The following FLT1 variants were observed in gnomAD, a reference collection of about 807,000 sequenced individuals.
FLT1 encodes vascular endothelial growth factor receptor 1.
FLT1 carries 49 observed loss-of-function variants against 156.3 expected under a neutral mutation model. The ratio of observed to expected loss-of-function variants is 0.31; its 90% CI spans 0.25 to 0.40. The LOEUF (loss-of-function observed/expected upper bound fraction) is 0.40, where lower values mean the gene tolerates loss of function less well. Ranked by LOEUF, FLT1 falls within the 10% of genes least tolerant of loss-of-function variation. FLT1 has a pLI of 1.00. For synonymous variants in FLT1, 594 were observed against 583.8 expected, an observed-to-expected ratio of 1.02 and a Z score of -0.25; for missense variants, 1,322 against 1,637.2, an observed-to-expected ratio of 0.81 and a Z score of 3.32.
At chr13:28,343,388 C>T (rs1051967242) in intron 16 of FLT1, among the ~76,000 whole-genome samples, 2 of 151,856 alleles carry the variant, frequency 1.3e-5, no homozygotes, top group African/African-American at 4.8e-5. Context: ...GCAACCTCCG[C>T]CCCCGGGTCC....
rs761909552 is a variant in FLT1, at chr13:28,434,236, C to A, written c.514-16G>T. The A allele has an allele frequency of 3.5e-5, 56 of 1,613,094 alleles. No homozygotes were observed. In the Admixed American group the frequency reaches 9.3e-4, roughly 27 times the overall value. On this transcript the variant is annotated splice_polypyrimidine_tract_variant and intron_variant, in intron 4 of 29. Transcript: ENST00000282397. ...CAAGTGGAAACTGAAAAGGAAGAGG[C>A]ATGCATTAACAAGGTCCTATTAGCA... is the stretch of plus-strand genomic sequence containing the variant.
At chr13:28,318,393 T>A (rs1871292430) in intron 24 of FLT1, among the ~76,000 whole-genome samples, 1 of 152,042 alleles carries the variant, frequency 6.6e-6, no homozygotes, top group Admixed American at 6.5e-5. Context: ...CCAGCTTTAC[T>A]GCCCAGGATT....
At chr13:28,367,648 C>A (rs1873348923) in intron 14 of FLT1, among the ~76,000 whole-genome samples, 1 of 152,134 alleles carries the variant, frequency 6.6e-6, no homozygotes, top group South Asian at 2.1e-4. Context: ...ATCTGTAGAG[C>A]TTTTGAATTC....
rs767317998 is a variant in FLT1, at chr13:28,430,129, C to T, written c.1027G>A (p.Val343Met). Residue 343 changes from valine (V) to methionine (M), a missense_variant, in exon 8 of 30, where the codon GTG becomes ATG. Around this residue, in one of 3 missense-constraint regions of FLT1, gnomAD observed 991 missense variants for 1,254.8 expected, o/e 0.79. Coordinates refer to ENST00000282397, the MANE Select transcript of FLT1 (RefSeq NM_002019.4). ...CGCTTGCCAGCTACGGTTTCAAGCACCTGCTGTTTTCGATGTTTCACAGTG... is the reference window on the plus strand; with the variant it reads ...CGCTTGCCAGCTACGGTTTCAAGCATCTGCTGTTTTCGATGTTTCACAGTG... Reference protein sequence around the residue: ...FITVKHRKQQVLETVAGKRSY... With the variant: ...FITVKHRKQQMLETVAGKRSY... 1 of 1,613,820 alleles carries T rather than the reference C, an allele frequency of 6.2e-7. No individual in the cohort carries two copies. Among genetic ancestry groups the T allele is most frequent in the Non-Finnish European group, 8.5e-7 (1 of 1,179,742 alleles).
chr13:28,327,657 A>C lies in FLT1; in HGVS notation c.2708-107T>G, dbSNP rs541461654. The C allele has an allele frequency of 1.0e-4, 71 of 706,420 alleles. No individual in the cohort carries two copies. The African/African-American group carries it at 1.1e-3, about 11-fold the overall frequency. 43.8% of individuals were successfully genotyped at this position (706,420 alleles called of 1,614,324 possible). A position where few individuals can be genotyped will look rare whatever the true frequency, so the allele number is the denominator to read the frequency against. On this transcript the variant is annotated intron_variant, in intron 19 of 29. Transcript: ENST00000282397. ...CCTCAAACCAACCAGCCTTTGTATT[A>C]GTGGGGCGAAGGGATGCGATTTAGG... is the stretch of plus-strand genomic sequence containing the variant.
chr13:28,431,005 C>T, intron 7 of FLT1, 131 bp downstream of exon 7: 2 of 813,522 alleles, frequency 2.5e-6, no homozygotes, highest in East Asian at 5.0e-5. Flanking sequence ...GAGGAGGGAA[C>T]CATGGCCAAG....
intron 15 of FLT1, among the ~76,000 whole-genome samples, chr13:28,352,121 G>A (rs1872751892): frequency 6.6e-6 from 1 of 152,172 alleles, no homozygotes. Flanking sequence ...CCTTAGAGTT[G>A]AGGTATAGAG....
Position 28,302,901 on chromosome 13 carries a change from G to A in FLT1, c.*266C>T, listed in dbSNP as rs1870570511. Reference sequence around the variant, plus strand: ...AGGTGGCGGGGGTTGGAGCAGGGAAGTCATTGGGTTTAGGAAGGATTTCTC... The same window carrying A: ...AGGTGGCGGGGGTTGGAGCAGGGAAATCATTGGGTTTAGGAAGGATTTCTC... On this transcript the variant is annotated 3_prime_UTR_variant, in exon 30 of 30. Transcript: ENST00000282397. 10 of 499,010 alleles carry A rather than the reference G, an allele frequency of 2.0e-5. No homozygotes were observed. In the Admixed American group the frequency reaches 3.0e-4, roughly 15 times the overall value. The allele number at this position is 499,010 out of a possible 1,614,324, so 30.9% of individuals were successfully genotyped here.
intron 13 of FLT1, chr13:28,389,312 G>A (rs868332524): frequency 2.2e-5 from 26 of 1,208,092 alleles, no homozygotes; most frequent in African/African-American, 4.7e-5. Context: ...TAACTTATTC[G>A]TGTCCATCTT....
chr13:28,313,907 A>G (rs201065686), intron 25 of FLT1, among the ~76,000 whole-genome samples: 115 of 143,852 alleles, frequency 8.0e-4, no homozygotes, highest in African/African-American at 2.7e-3. Flanking sequence ...AAAAAAAAAA[A>G]AAGAAGAATC....
At chr13:28,469,245 C>T (rs1880018069) in intron 1 of FLT1, among the ~76,000 whole-genome samples, 1 of 152,160 alleles carries the variant, frequency 6.6e-6, no homozygotes, top group Non-Finnish European at 1.5e-5. Flanking sequence ...TTTAAAAAAT[C>T]AGTTTAAACA....
At chr13:28,333,198 A>ACAC (rs1871993680) in intron 18 of FLT1, among the ~76,000 whole-genome samples, 1 of 152,242 alleles carries the variant, frequency 6.6e-6, no homozygotes, top group African/African-American at 2.4e-5. Flanking sequence ...GTACCCGTGT[A>ACAC]GTTGGACTCA....
intron 15 of FLT1, among the ~76,000 whole-genome samples, chr13:28,348,477 CT>C (rs1267089474): frequency 1.3e-5 from 2 of 152,174 alleles, no homozygotes; most frequent in African/African-American, 4.8e-5. Flanking sequence ...CATGCTTTGG[CT>C]TTTGCTATTT....
Position 28,306,792 on chromosome 13 carries a change from G to A in FLT1, c.3721-20C>T, listed in dbSNP as rs764524644. ...GTAGTCCTAGGGGGAGAAGGAGAAA[G>A]GTTATACTCTTGCCTGGCCCAGCGG... On this transcript the variant is annotated intron_variant, in intron 28 of 29. Transcript: ENST00000282397. 9 of 1,557,766 alleles carry A rather than the reference G, an allele frequency of 5.8e-6. No individual in the cohort carries two copies. Among genetic ancestry groups the A allele is most frequent in the Non-Finnish European group, 8.0e-6 (9 of 1,128,964 alleles).
At chr13:28,440,836 T>G (rs895651554) in intron 3 of FLT1, among the ~76,000 whole-genome samples, 2 of 152,170 alleles carry the variant, frequency 1.3e-5, no homozygotes, top group African/African-American at 4.8e-5. Context: ...TAGCTGTTAA[T>G]TTTCTTATTA....
At chr13:28,459,098 T>C (rs1340590476) in intron 3 of FLT1, among the ~76,000 whole-genome samples, 2 of 152,216 alleles carry the variant, frequency 1.3e-5, no homozygotes, top group African/African-American at 4.8e-5. Context: ...TCCTAGGAGT[T>C]CTTTAGAGAA....
intron 20 of FLT1, 66 bp downstream of exon 20, chr13:28,327,396 T>C: frequency 3.1e-6 from 3 of 953,896 alleles, no homozygotes; most frequent in Non-Finnish European, 3.4e-6. Flanking sequence ...TCTTGCTTTA[T>C]GTTGTTACAG....
chr13:28,457,910 C>T (rs370943003), intron 3 of FLT1, among the ~76,000 whole-genome samples: 23 of 130,992 alleles, frequency 1.8e-4, no homozygotes, highest in Non-Finnish European at 3.3e-4. Flanking sequence ...CTTTAGATTT[C>T]TTTTCCTTTT....
At chr13:28,461,971 C>CAGAAG (rs1328238340) in intron 3 of FLT1, among the ~76,000 whole-genome samples, 1 of 152,100 alleles carries the variant, frequency 6.6e-6, no homozygotes. Flanking sequence ...TAAAGAGAAA[C>CAGAAG]AGAAGAGAAG....
Sources: allele counts gnomAD v4.1 joint callset (sites outside exome capture counted in the v4.1 genomes callset), GRCh38; gene constraint gnomAD v4.1.1; regional missense constraint gnomAD v4.1.1; transcripts MANE v1.5; gene names NCBI Gene and HGNC (gene_info 2026-07-23, HGNC 2026-07-21).